Variants in CAMK1D observed in about 807,000 individuals in gnomAD.
The protein encoded by CAMK1D is calcium/calmodulin-dependent protein kinase type 1D.
Under a neutral mutation model 47.7 loss-of-function variants are expected in CAMK1D, and 9 were observed. The ratio of observed to expected loss-of-function variants is 0.19; its 90% CI spans 0.11 to 0.33. The LOEUF (loss-of-function observed/expected upper bound fraction) is 0.33. CAMK1D is among the 10% of genes least tolerant of loss of function. The probability of loss-of-function intolerance (pLI) is 1.00; values close to 1 mark genes in which losing one functional copy is unlikely to be tolerated. For synonymous variants in CAMK1D, 184 were observed against 184.9 expected (o/e 0.99, Z 0.04); for missense variants, 291 against 488.7 (o/e 0.60, Z 3.81).
At chr10:12,377,891 G>A (rs1838228847) in intron 1 of CAMK1D, among the ~76,000 whole-genome samples, 1 of 152,198 alleles carries the variant, frequency 6.6e-6, no homozygotes, top group Non-Finnish European at 1.5e-5. Context: ...GTTGTCACAG[G>A]CAATTTCATA....
intron 1 of CAMK1D, among the ~76,000 whole-genome samples, chr10:12,366,501 A>T (rs1235465805): frequency 6.6e-6 from 1 of 151,456 alleles, no homozygotes; most frequent in African/African-American, 2.4e-5. Flanking sequence ...CTAAAAATAA[A>T]AAAAAAAATT....
intron 6 of CAMK1D, among the ~76,000 whole-genome samples, chr10:12,801,267 G>A (rs61576231): frequency 5.6e-5 from 8 of 141,824 alleles, no homozygotes; most frequent in African/African-American, 7.9e-5. Flanking sequence ...CCATCTGTCC[G>A]TCCATCCATC....
chr10:12,499,516 T>G (rs1397569518), intron 1 of CAMK1D, among the ~76,000 whole-genome samples: 1 of 152,182 alleles, frequency 6.6e-6, no homozygotes, highest in Non-Finnish European at 1.5e-5. Flanking sequence ...GCATTAGGAT[T>G]GATTTCCCCC....
chr10:12,460,261 C>CTTT (rs34911316), intron 1 of CAMK1D, among the ~76,000 whole-genome samples: 5 of 142,110 alleles, frequency 3.5e-5, no homozygotes, highest in East Asian at 2.0e-4. Context: ...TTTCTCTATT[C>CTTT]TTTTTTTTTT....
chr10:12,670,048 A>G (rs1201377532), intron 3 of CAMK1D, among the ~76,000 whole-genome samples: 1 of 151,552 alleles, frequency 6.6e-6, no homozygotes, highest in Non-Finnish European at 1.5e-5. Context: ...AGTGGAATGA[A>G]TGGGTCATAT....
At chr10:12,521,487 GTTTGT>G (rs1835414416) in intron 1 of CAMK1D, among the ~76,000 whole-genome samples, 1 of 152,056 alleles carries the variant, frequency 6.6e-6, no homozygotes, top group African/African-American at 2.4e-5. Context: ...TTAATTTAAA[GTTTGT>G]TTTATGATAA....
chr10:12,428,902 A>G (rs1283153511), intron 1 of CAMK1D, among the ~76,000 whole-genome samples: 1 of 152,216 alleles, frequency 6.6e-6, no homozygotes, highest in Non-Finnish European at 1.5e-5. Context: ...GTGGCTGTCC[A>G]TACCCAGAAG....
chr10:12,817,752 G>A (rs773099306), intron 8 of CAMK1D, among the ~76,000 whole-genome samples: 5 of 152,118 alleles, frequency 3.3e-5, no homozygotes, highest in Non-Finnish European at 5.9e-5. Context: ...GTGCAGTGGG[G>A]CAGTCTCGGC....
At chr10:12,683,289 A>G (rs922373494) in intron 3 of CAMK1D, among the ~76,000 whole-genome samples, 2 of 151,870 alleles carry the variant, frequency 1.3e-5, no homozygotes, top group Non-Finnish European at 1.5e-5. Flanking sequence ...GTTTCGCCAT[A>G]TTGGCCAAGC....
intron 2 of CAMK1D, among the ~76,000 whole-genome samples, chr10:12,555,174 G>A (rs1423356480): frequency 2.6e-5 from 4 of 152,204 alleles, no homozygotes; most frequent in Non-Finnish European, 5.9e-5. Flanking sequence ...AACACAAAAT[G>A]TCACGCTCCT....
At chr10:12,723,194 T>C (rs1329188507) in intron 3 of CAMK1D, among the ~76,000 whole-genome samples, 1 of 152,160 alleles carries the variant, frequency 6.6e-6, no homozygotes, top group Non-Finnish European at 1.5e-5. Context: ...AATTTATCAT[T>C]ATTTGGAAGG....
chr10:12,748,468 A>C (rs1835782074), intron 3 of CAMK1D, among the ~76,000 whole-genome samples: 1 of 152,168 alleles, frequency 6.6e-6, no homozygotes, highest in Non-Finnish European at 1.5e-5. Flanking sequence ...TTTCCTTTAG[A>C]ACCATTGAAA....
At chr10:12,599,198 T>G (rs2132382871) in intron 2 of CAMK1D, among the ~76,000 whole-genome samples, 1 of 152,296 alleles carries the variant, frequency 6.6e-6, no homozygotes, top group South Asian at 2.1e-4. Flanking sequence ...AGTCGCTGTG[T>G]TTTCTTGAGT....
chr10:12,511,429 T>C (rs1263092325), intron 1 of CAMK1D, among the ~76,000 whole-genome samples: 1 of 152,070 alleles, frequency 6.6e-6, no homozygotes. Flanking sequence ...AGAGAGACCC[T>C]GTCTCTACAA....
chr10:12,704,894 A>G (rs1384138297), intron 3 of CAMK1D, among the ~76,000 whole-genome samples: 2 of 152,234 alleles, frequency 1.3e-5, no homozygotes, highest in African/African-American at 2.4e-5. Flanking sequence ...TGGTATTGGC[A>G]ATAATATTGG....
rs750447013 is a variant in CAMK1D, at chr10:12,672,896, C to CTTTTT, written c.299+6101_299+6105dup. On this transcript the variant is annotated intron_variant, in intron 3 of 10. Transcript: ENST00000619168. ...CATGTAAGTTTTAGAATAGGCTTGC[C>CTTTTT]TTTTTTTTTTTTTTTTTTTAGTCAG... Among the ~76,000 whole-genome samples the CTTTTT allele has an allele frequency of 9.2e-3, 702 of 76,418 alleles. 35 individuals carry two copies. Among genetic ancestry groups the CTTTTT allele is most frequent in the African/African-American group, 0.042 (656 of 15,782 alleles). 50.1% of individuals were successfully genotyped at this position (76,418 alleles called of 152,430 possible).
At chr10:12,497,886 A>G (rs778994885) in intron 1 of CAMK1D, among the ~76,000 whole-genome samples, 1 of 152,208 alleles carries the variant, frequency 6.6e-6, no homozygotes, top group Non-Finnish European at 1.5e-5. Flanking sequence ...AGAATTTATA[A>G]GAGGCTTAAT....
At chr10:12,371,596 A>G (rs1266514070) in intron 1 of CAMK1D, among the ~76,000 whole-genome samples, 1 of 149,460 alleles carries the variant, frequency 6.7e-6, no homozygotes, top group Non-Finnish European at 1.5e-5. Context: ...AACCAAAAAA[A>G]AACAAAAAAA....
At chr10:12,439,261 G>A (rs1158082247) in intron 1 of CAMK1D, among the ~76,000 whole-genome samples, 3 of 152,130 alleles carry the variant, frequency 2.0e-5, no homozygotes, top group Admixed American at 6.5e-5. Context: ...GGCTGCATAC[G>A]TCTCAGAGCC....
Sources: gnomAD v4.1 joint callset for allele counts (sites outside exome capture counted in the v4.1 genomes callset) on GRCh38, gnomAD v4.1.1 for gene constraint, MANE v1.5 for transcripts, NCBI Gene and HGNC (gene_info 2026-07-23, HGNC 2026-07-21) for gene names.